CNTN3: variants seen among roughly 807,000 people sequenced by gnomAD.
CNTN3 encodes contactin-3.
Under a neutral mutation model 119.1 loss-of-function variants are expected in CNTN3, and 60 were observed. The ratio of observed to expected loss-of-function variants is 0.50; its 90% CI spans 0.41 to 0.62. The LOEUF (loss-of-function observed/expected upper bound fraction) is 0.62. Among genes scored for constraint, CNTN3 ranks in the 20% least tolerant of loss-of-function variants. The pLI, the probability that CNTN3 is intolerant of heterozygous loss-of-function variation, is 0.00. For missense variants in CNTN3, 1,101 were observed against 1,242.4 expected, an observed-to-expected ratio of 0.89 and a Z score of 1.71; for synonymous variants, 450 against 438.7, an observed-to-expected ratio of 1.03 and a Z score of -0.32.
At chr3:74,469,779 A>C (rs976004398) in intron 4 of CNTN3, among the ~76,000 whole-genome samples, 1 of 152,186 alleles carries the variant, frequency 6.6e-6, no homozygotes, top group African/African-American at 2.4e-5. Context: ...TGACTTTAGA[A>C]AACAGTCTGC....
intron 3 of CNTN3, among the ~76,000 whole-genome samples, chr3:74,494,649 C>T (rs1418232971): frequency 2.6e-5 from 4 of 152,060 alleles, no homozygotes; most frequent in Non-Finnish European, 5.9e-5. Flanking sequence ...TGTGATCCTT[C>T]ATGATATTAT....
At chr3:74,341,302 G>T (rs1296251666) in intron 11 of CNTN3, among the ~76,000 whole-genome samples, 1 of 152,150 alleles carries the variant, frequency 6.6e-6, no homozygotes, top group Non-Finnish European at 1.5e-5. Flanking sequence ...GAGATTCAAA[G>T]TGAAAATTTT....
rs626578 is a variant in CNTN3 at position 74,299,911 on chromosome 3, T to C, written c.2123A>G (p.Asn708Ser). 0.069 allele frequency: 110,288 copies of C among 1,603,772 alleles called. 4,930 individuals carry two copies. Among genetic ancestry groups the C allele is most frequent in the East Asian group, 0.23 (10,344 of 44,288 alleles). ...TTCAGACCGGCTTCCGCCTCCTCCA[T>C]TGACTTCAGAAGGAGGCACTTCTGG... is the stretch of plus-strand genomic sequence containing the variant. Reference protein sequence around the residue: ...AVPEVPPSEVNGGGGSRSELV... With the variant: ...AVPEVPPSEVSGGGGSRSELV... The change falls in exon 17 of 23, where the codon AAT (asparagine) becomes AGT (serine). Residue 708 changes from asparagine to serine, a missense_variant. Physicochemically the swap from Asn to Ser is conservative, Grantham distance 46. Transcript: ENST00000263665.
chr3:74,403,155 G>A lies in CNTN3; in HGVS notation c.454+21690C>T, dbSNP rs116546145. Among the ~76,000 whole-genome samples the A allele has an allele frequency of 2.6e-3, 394 of 152,222 alleles. 2 individuals are homozygous for A. The highest frequency in any genetic ancestry group is 4.9e-3 in the Non-Finnish European group (330 of 68,016). On this transcript the variant is annotated intron_variant, in intron 5 of 22. Transcript: ENST00000263665. ...ATTTACATCTTAAAGCCCTAACTCT[G>A]ACGATGGTATGGAGGATGACTGCAT...
At chr3:74,519,384 T>C (rs559393888) in intron 2 of CNTN3, among the ~76,000 whole-genome samples, 1 of 151,934 alleles carries the variant, frequency 6.6e-6, no homozygotes, top group East Asian at 1.9e-4. Context: ...CGTAAATATG[T>C]AAAACATTTC....
intron 4 of CNTN3, among the ~76,000 whole-genome samples, chr3:74,463,346 A>G (rs1418133654): frequency 6.6e-6 from 1 of 152,166 alleles, no homozygotes; most frequent in African/African-American, 2.4e-5. Flanking sequence ...ATACGAATAG[A>G]CATGAATTTC....
At chr3:74,326,592 G>C (rs1475053578) in intron 13 of CNTN3, among the ~76,000 whole-genome samples, 1 of 151,876 alleles carries the variant, frequency 6.6e-6, no homozygotes, top group Non-Finnish European at 1.5e-5. Flanking sequence ...CTAGCTGTAA[G>C]GAAGCTATTA....
chr3:74,299,841 TG>T, intron 17 of CNTN3, 26 bp downstream of exon 17: 2 of 1,589,686 alleles, frequency 1.3e-6, no homozygotes, highest in Non-Finnish European at 1.7e-6. Flanking sequence ...AAGACCCTGA[TG>T]GGGAAGATGC....
intron 1 of CNTN3, among the ~76,000 whole-genome samples, chr3:74,576,732 A>C (rs1704423994): frequency 6.6e-6 from 1 of 152,068 alleles, no homozygotes; most frequent in Non-Finnish European, 1.5e-5. Flanking sequence ...CCTGACCTGT[A>C]ATGATTTTTT....
At chr3:74,313,540 T>TA (rs1702753789) in intron 13 of CNTN3, among the ~76,000 whole-genome samples, 1 of 152,170 alleles carries the variant, frequency 6.6e-6, no homozygotes, top group African/African-American at 2.4e-5. Context: ...AATGCTTGCT[T>TA]AGAAATCACT....
intron 13 of CNTN3, among the ~76,000 whole-genome samples, chr3:74,303,690 T>C (rs925198258): frequency 6.6e-6 from 1 of 152,162 alleles, no homozygotes; most frequent in African/African-American, 2.4e-5. Context: ...CAGGCAAGAC[T>C]CTGTCTCCGC....
At chr3:74,477,514 T>C (rs1249634050) in intron 4 of CNTN3, among the ~76,000 whole-genome samples, 1 of 152,116 alleles carries the variant, frequency 6.6e-6, no homozygotes, top group Non-Finnish European at 1.5e-5. Flanking sequence ...CACTGCATAT[T>C]ATTTGTGGGA....
At chr3:74,364,413 A>C in intron 10 of CNTN3, 54 bp downstream of exon 10, 1 of 1,549,816 alleles carries the variant, frequency 6.5e-7, no homozygotes, top group East Asian at 2.3e-5. Context: ...TTCTGGAAAC[A>C]ATGAAGGATT....
intron 20 of CNTN3, among the ~76,000 whole-genome samples, chr3:74,277,452 G>T (rs1306557854): frequency 1.3e-5 from 2 of 152,044 alleles, no homozygotes; most frequent in East Asian, 3.8e-4. Flanking sequence ...GGGATGCAGG[G>T]ATGTTTTAAA....
At chr3:74,536,035 C>T (rs889410389) in intron 1 of CNTN3, among the ~76,000 whole-genome samples, 3 of 152,058 alleles carry the variant, frequency 2.0e-5, no homozygotes, top group Non-Finnish European at 4.4e-5. Context: ...AAAAAAATTT[C>T]TTACTCTTTT....
intron 1 of CNTN3, among the ~76,000 whole-genome samples, chr3:74,557,901 T>C (rs1203746777): frequency 1.3e-5 from 2 of 152,132 alleles, no homozygotes; most frequent in East Asian, 3.9e-4. Context: ...ACAAGAACAC[T>C]GAAGAAGCTG....
At chr3:74,416,254 T>G (rs1020220379) in intron 5 of CNTN3, among the ~76,000 whole-genome samples, 1 of 152,220 alleles carries the variant, frequency 6.6e-6, no homozygotes, top group Non-Finnish European at 1.5e-5. Context: ...CATTTTTCCA[T>G]AAACATATTA....
intron 12 of CNTN3, among the ~76,000 whole-genome samples, chr3:74,335,336 T>C (rs1703364999): frequency 6.6e-6 from 1 of 152,114 alleles, no homozygotes; most frequent in Non-Finnish European, 1.5e-5. Flanking sequence ...TAGCCTGGAT[T>C]TGAAAGATAT....
rs748657989 is a variant in CNTN3 at position 74,369,173 on chromosome 3, C to T, written c.946+16G>A. On this transcript the variant is annotated intron_variant, in intron 8 of 22. Transcript: ENST00000263665. ...GTAAAAGCTAAAACTCCAATTTGCC[C>T]AAAGCAGATGCTCACCATAGTAAGT... 1.2e-5 allele frequency: 19 copies of T among 1,563,650 alleles called. No homozygotes were observed. In the African/African-American group the frequency reaches 1.4e-4, roughly 11 times the overall value.
Sources: allele counts gnomAD v4.1 joint callset (sites outside exome capture counted in the v4.1 genomes callset), GRCh38; gene constraint gnomAD v4.1.1; transcripts MANE v1.5; gene names NCBI Gene and HGNC (gene_info 2026-07-23, HGNC 2026-07-21).